The following RANBP9 variants were observed in gnomAD, a reference collection of about 807,000 sequenced individuals.
RANBP9 encodes ran-binding protein 9.
Under a neutral mutation model 84.3 loss-of-function variants are expected in RANBP9, and 15 were observed. The observed-to-expected ratio is 0.18, with a 90% CI of 0.12 to 0.27. The LOEUF (loss-of-function observed/expected upper bound fraction) is 0.27, where lower values mean the gene tolerates loss of function less well. Among genes scored for constraint, RANBP9 ranks in the 10% least tolerant of loss-of-function variants. The pLI is 1.00. For missense variants in RANBP9, 809 were observed against 912.8 expected (o/e 0.89, Z 1.46); for synonymous variants, 392 against 349.6 (o/e 1.12, Z -1.35).
In RANBP9 at chr6:13,634,347, C is replaced by T. The variant is rs1343745502; in HGVS notation, c.1795+84G>A. 4.0e-6 allele frequency: 6 copies of T among 1,481,672 alleles called. No homozygotes were observed. In the East Asian group the frequency reaches 1.1e-4, roughly 28 times the overall value. 91.8% of individuals were successfully genotyped at this position (1,481,672 alleles called of 1,614,324 possible). ...TACATCTTTAAATCTGGTTTATGCT[C>T]ATCAGCTGTGAATCAGTACAAGTAA... On this transcript the variant is annotated intron_variant, in intron 11 of 13. Transcript: ENST00000011619.
chr6:13,631,541 C>G (rs542270420), intron 12 of RANBP9, among the ~76,000 whole-genome samples: 9 of 152,282 alleles, frequency 5.9e-5, no homozygotes, highest in African/African-American at 1.9e-4. Context: ...TCAACCTGTA[C>G]TAACTTTCAG....
intron 13 of RANBP9, among the ~76,000 whole-genome samples, chr6:13,623,130 C>G (rs530233507): frequency 6.6e-6 from 1 of 152,260 alleles, no homozygotes; most frequent in Non-Finnish European, 1.5e-5. Flanking sequence ...TCATAAGTTT[C>G]TTTGTCAGAC....
intron 4 of RANBP9, 41 bp downstream of exon 4, chr6:13,657,068 C>T: frequency 6.6e-7 from 1 of 1,505,318 alleles, no homozygotes; most frequent in African/African-American, 1.4e-5. Flanking sequence ...ATAATAATCT[C>T]CATATTTGGT....
At chr6:13,703,489 C>T (rs1467830748) in intron 1 of RANBP9, among the ~76,000 whole-genome samples, 5 of 152,238 alleles carry the variant, frequency 3.3e-5, no homozygotes, top group Non-Finnish European at 7.3e-5. Flanking sequence ...CCAGACTATC[C>T]TTGTACCAGC....
At chr6:13,658,633 C>A (rs562397395) in intron 3 of RANBP9, 147 bp downstream of exon 3, 12 of 722,152 alleles carry the variant, frequency 1.7e-5, no homozygotes, top group South Asian at 1.3e-4. Context: ...AACAAAAAAA[C>A]CCCACTCAGC....
At chr6:13,647,002 A>G (rs1324938612) in intron 5 of RANBP9, among the ~76,000 whole-genome samples, 1 of 152,214 alleles carries the variant, frequency 6.6e-6, no homozygotes, top group African/African-American at 2.4e-5. Context: ...TGCACATCAG[A>G]TTAAGACTTG....
chr6:13,670,408 C>G (rs1444335962), intron 2 of RANBP9, among the ~76,000 whole-genome samples: 1 of 152,118 alleles, frequency 6.6e-6, no homozygotes, highest in Non-Finnish European at 1.5e-5. Context: ...CTATGAAACT[C>G]TTAGATGAAA....
intron 11 of RANBP9, 73 bp downstream of exon 11, chr6:13,634,347 CATCAGCTGTGA>C: frequency 4.7e-6 from 7 of 1,481,790 alleles, no homozygotes; most frequent in Non-Finnish European, 6.4e-6. Flanking sequence ...GGTTTATGCT[CATCAGCTGTGA>C]ATCAGTACAA....
intron 2 of RANBP9, among the ~76,000 whole-genome samples, chr6:13,664,985 C>G (rs897359538): frequency 1.3e-5 from 2 of 151,968 alleles, no homozygotes; most frequent in Admixed American, 1.3e-4. Flanking sequence ...TAATATTTTA[C>G]AAAAGTGCCT....
chr6:13,650,977 G>A (rs1024873478), intron 5 of RANBP9, among the ~76,000 whole-genome samples: 9 of 152,006 alleles, frequency 5.9e-5, no homozygotes, highest in Non-Finnish European at 1.3e-4. Flanking sequence ...ATGGCATCCA[G>A]TCTTTAAAAA....
At chr6:13,626,760 G>A (rs948842706) in intron 12 of RANBP9, among the ~76,000 whole-genome samples, 36 of 152,148 alleles carry the variant, frequency 2.4e-4, no homozygotes, top group South Asian at 2.1e-4. Flanking sequence ...AATTCCTAAA[G>A]AGCACCATCT....
chr6:13,639,771 A>C lies in RANBP9; in HGVS notation c.1335-18T>G. 6.3e-7 allele frequency: 1 copy of C among 1,580,606 alleles called. No individual in the cohort carries two copies. The highest frequency in any genetic ancestry group is 8.6e-7 in the Non-Finnish European group (1 of 1,156,756). On this transcript the variant is annotated intron_variant, in intron 8 of 13. Coordinates refer to ENST00000011619, the MANE Select transcript of RANBP9 (RefSeq NM_005493.3). ...GACGCACTCTAAAGGAGAAAAGAAA[A>C]ATTTACTTAGACACAATCTTCAAAT...
At chr6:13,660,125 T>C (rs1464035535) in intron 2 of RANBP9, among the ~76,000 whole-genome samples, 1 of 152,266 alleles carries the variant, frequency 6.6e-6, no homozygotes, top group African/African-American at 2.4e-5. Flanking sequence ...AAAACAGGAA[T>C]AAGGTTCTCA....
chr6:13,688,824 C>T (rs1766254184), intron 2 of RANBP9, among the ~76,000 whole-genome samples: 1 of 151,570 alleles, frequency 6.6e-6, no homozygotes, highest in Admixed American at 6.6e-5. Context: ...TATTATCTTT[C>T]TAAAGCAGGT....
chr6:13,651,652 G>A (rs1205238604), intron 5 of RANBP9, among the ~76,000 whole-genome samples: 26 of 151,738 alleles, frequency 1.7e-4, no homozygotes, highest in African/African-American at 5.3e-4. Flanking sequence ...CGCCCACCTC[G>A]GCCTCCCTAA....
chr6:13,678,249 TAAAG>T (rs56817178), intron 2 of RANBP9, among the ~76,000 whole-genome samples: 3 of 152,248 alleles, frequency 2.0e-5, no homozygotes, highest in Non-Finnish European at 2.9e-5. Context: ...TAAAAAATAA[TAAAG>T]AACCAAAAGG....
intron 10 of RANBP9, among the ~76,000 whole-genome samples, chr6:13,635,032 ACT>A (rs1235205672): frequency 1.3e-5 from 2 of 151,448 alleles, no homozygotes; most frequent in Non-Finnish European, 2.9e-5. Context: ...TACTCAATCC[ACT>A]CCTAGGCTGT....
chr6:13,672,720 G>C (rs1313362500), intron 2 of RANBP9, among the ~76,000 whole-genome samples: 1 of 152,026 alleles, frequency 6.6e-6, no homozygotes, highest in East Asian at 1.9e-4. Flanking sequence ...GGTAGATTTT[G>C]AATGATCAAA....
intron 2 of RANBP9, among the ~76,000 whole-genome samples, chr6:13,691,723 T>C (rs966741328): frequency 2.6e-5 from 4 of 152,160 alleles, no homozygotes; most frequent in Non-Finnish European, 4.4e-5. Flanking sequence ...CGGAGTGCAG[T>C]GGCGTGATGT....
Sources: gnomAD v4.1 joint callset for allele counts (sites outside exome capture counted in the v4.1 genomes callset) on GRCh38, gnomAD v4.1.1 for gene constraint, MANE v1.5 for transcripts, NCBI Gene and HGNC (gene_info 2026-07-23, HGNC 2026-07-21) for gene names.